Variants in FGGY observed in about 807,000 individuals in gnomAD.
FGGY encodes FGGY carbohydrate kinase domain containing, also known as FGGY carbohydrate kinase domain-containing protein.
In FGGY, 72 loss-of-function variants were observed where a neutral mutation model predicts 71.3. The observed-to-expected ratio is 1.01, with a 90% CI of 0.84 to 1.23. The LOEUF (loss-of-function observed/expected upper bound fraction) is 1.23, where lower values mean the gene tolerates loss of function less well. Among genes scored for constraint, FGGY ranks in the 50% most tolerant of loss-of-function variants. FGGY has a pLI of 0.00. For missense variants in FGGY, 668 were observed against 682.3 expected, an observed-to-expected ratio of 0.98 and a Z score of 0.23; for synonymous variants, 251 against 250.3, an observed-to-expected ratio of 1.00 and a Z score of -0.02.
At chr1:59,679,335 GCTTT>G (rs1291185752) in intron 14 of FGGY, among the ~76,000 whole-genome samples, 1 of 151,190 alleles carries the variant, frequency 6.6e-6, no homozygotes, top group South Asian at 2.1e-4. Context: ...GCTCTATTTG[GCTTT>G]CTGTCACGAT....
At chr1:59,356,406 T>G (rs1191841925) in intron 4 of FGGY, among the ~76,000 whole-genome samples, 1 of 152,134 alleles carries the variant, frequency 6.6e-6, no homozygotes, top group Non-Finnish European at 1.5e-5. Context: ...CAGGAAAACT[T>G]ATAATAATAG....
chr1:59,340,115 G>A, intron 3 of FGGY, 46 bp downstream of exon 3: 1 of 1,396,046 alleles, frequency 7.2e-7, no homozygotes. Context: ...ATACTTGGCT[G>A]ATTAATCCAA....
chr1:59,588,644 T>A (rs370528457), intron 8 of FGGY, among the ~76,000 whole-genome samples: 1 of 152,072 alleles, frequency 6.6e-6, no homozygotes, highest in African/African-American at 2.4e-5. Flanking sequence ...TTAACATTCT[T>A]AAAGAAAAGA....
At chr1:59,534,398 A>G (rs937468911) in intron 7 of FGGY, among the ~76,000 whole-genome samples, 1 of 152,052 alleles carries the variant, frequency 6.6e-6, no homozygotes, top group Non-Finnish European at 1.5e-5. Context: ...CCAAGTTGAA[A>G]AACACTCTGC....
At position 59,525,870 on chromosome 1, in the gene FGGY, TAA is replaced by T. The variant is rs537852721; in HGVS notation, c.799+13432_799+13433del. ...GTGTCTCTGTATATGTGCATATTTA[TAA>T]GTGTCTTCATACACATGTGTTTATG... is the stretch of plus-strand genomic sequence containing the variant. On this transcript the variant is annotated intron_variant, in intron 7 of 15. Coordinates refer to ENST00000303721, the MANE Select transcript of FGGY (RefSeq NM_018291.5). Among the ~76,000 whole-genome samples the T allele has an allele frequency of 1.2e-3, 189 of 152,366 alleles. 2 individuals are homozygous for T. Among genetic ancestry groups the T allele is most frequent in the Non-Finnish European group, 1.9e-3 (131 of 68,030 alleles).
chr1:59,569,360 A>G (rs895740273), intron 8 of FGGY, among the ~76,000 whole-genome samples: 5 of 152,230 alleles, frequency 3.3e-5, no homozygotes, highest in African/African-American at 1.2e-4. Context: ...AAATTGCACA[A>G]TAGAATATAT....
chr1:59,331,481 C>T (rs2048467089), intron 2 of FGGY, among the ~76,000 whole-genome samples: 1 of 152,222 alleles, frequency 6.6e-6, no homozygotes, highest in Admixed American at 6.5e-5. Context: ...GTTCCCCTGC[C>T]TGGAACACTC....
intron 6 of FGGY, among the ~76,000 whole-genome samples, chr1:59,467,912 T>G (rs1313369877): frequency 1.6e-5 from 1 of 61,516 alleles, no homozygotes; most frequent in Admixed American, 2.1e-4. Context: ...TTTTGTTTTG[T>G]TTTTTTTTGA....
At chr1:59,583,621 C>T (rs1401905491) in intron 8 of FGGY, among the ~76,000 whole-genome samples, 2 of 142,238 alleles carry the variant, frequency 1.4e-5, no homozygotes, top group African/African-American at 5.5e-5. Flanking sequence ...GGGGGGCACA[C>T]CTGAGGGGCA....
chr1:59,436,801 G>A (rs2153470788), intron 5 of FGGY, among the ~76,000 whole-genome samples: 1 of 152,316 alleles, frequency 6.6e-6, no homozygotes, highest in East Asian at 1.9e-4. Flanking sequence ...TCACAACACA[G>A]GAAGGGAAAG....
intron 4 of FGGY, among the ~76,000 whole-genome samples, chr1:59,377,043 G>A (rs1386905635): frequency 6.6e-6 from 1 of 152,170 alleles, no homozygotes; most frequent in Non-Finnish European, 1.5e-5. Flanking sequence ...GTACAACTAG[G>A]TCACATGCCT....
Position 59,403,370 on chromosome 1 carries a change from C to T in FGGY, c.554+24533C>T, listed in dbSNP as rs116706094. Among the ~76,000 whole-genome samples, 148 of 152,148 alleles carry T rather than the reference C, an allele frequency of 9.7e-4. 1 individual carries two copies. The highest frequency in any genetic ancestry group is 3.4e-3 in the Middle Eastern group (1 of 294). ...TACTCCTCACATATTTAGTAAAGTC[C>T]GGCTGTGTGCCCTGCCTTTAGGGGA... On this transcript the variant is annotated intron_variant, in intron 5 of 15. Transcript: ENST00000303721.
chr1:59,351,877 G>A (rs2053377140), intron 4 of FGGY, among the ~76,000 whole-genome samples: 1 of 151,888 alleles, frequency 6.6e-6, no homozygotes, highest in South Asian at 2.1e-4. Context: ...TCAGATGTCA[G>A]AGGAAGTTGG....
At chr1:59,732,637 C>G (rs2098048219) in intron 14 of FGGY, among the ~76,000 whole-genome samples, 1 of 151,520 alleles carries the variant, frequency 6.6e-6, no homozygotes, top group African/African-American at 2.4e-5. Flanking sequence ...TCAGAGATAC[C>G]AAAGCAGATA....
chr1:59,704,548 A>G (rs111863674), intron 14 of FGGY, among the ~76,000 whole-genome samples: 27 of 152,278 alleles, frequency 1.8e-4, no homozygotes, highest in African/African-American at 6.5e-4. Context: ...TTTAAATAGT[A>G]GAGGATGAAA....
At chr1:59,369,856 G>C (rs1356444439) in intron 4 of FGGY, among the ~76,000 whole-genome samples, 2 of 152,184 alleles carry the variant, frequency 1.3e-5, no homozygotes, top group African/African-American at 2.4e-5. Context: ...TGAGGGTCCT[G>C]TCTGTTAGAA....
intron 14 of FGGY, among the ~76,000 whole-genome samples, chr1:59,731,695 G>T (rs2098032029): frequency 6.6e-6 from 1 of 152,100 alleles, no homozygotes; most frequent in Non-Finnish European, 1.5e-5. Context: ...TGACAGTCTG[G>T]TCATTCCTCC....
Position 59,492,497 on chromosome 1 carries a change from T to C in FGGY, c.671-19814T>C, listed in dbSNP as rs570496774. On this transcript the variant is annotated intron_variant, in intron 6 of 15. Transcript: ENST00000303721. ...AATTAACATCCCCAGAGCAAAACTT[T>C]CAATCTTTCAATATCTAATTGCAGA... is the stretch of plus-strand genomic sequence containing the variant. Among the ~76,000 whole-genome samples the C allele has an allele frequency of 1.4e-4, 22 of 152,180 alleles. No homozygotes were observed. The South Asian group carries it at 4.1e-3, about 29-fold the overall frequency.
intron 6 of FGGY, among the ~76,000 whole-genome samples, chr1:59,482,074 G>A (rs1413824134): frequency 2.0e-5 from 3 of 152,158 alleles, no homozygotes; most frequent in South Asian, 2.1e-4. Flanking sequence ...CAGGAAGACA[G>A]GGTATCTAAT....
Sources: allele counts gnomAD v4.1 joint callset (sites outside exome capture counted in the v4.1 genomes callset), GRCh38; gene constraint gnomAD v4.1.1; transcripts MANE v1.5; gene names NCBI Gene and HGNC (gene_info 2026-07-23, HGNC 2026-07-21).